Variants in KCTD16 observed in about 807,000 individuals in gnomAD.
The protein encoded by KCTD16 is potassium channel tetramerization domain containing 16.
In KCTD16, 13 loss-of-function variants were observed where a neutral mutation model predicts 33.2. The ratio of observed to expected loss-of-function variants is 0.39; its 90% CI spans 0.25 to 0.62. The LOEUF is 0.62. KCTD16 is among the 20% of genes least tolerant of loss of function. The probability of loss-of-function intolerance (pLI) is 0.50; values close to 1 mark genes in which losing one functional copy is unlikely to be tolerated. For missense variants in KCTD16, 441 were observed against 525.1 expected (o/e 0.84, Z 1.57); for synonymous variants, 197 against 195.3 (o/e 1.01, Z -0.07).
At chr5:144,351,599 A>G (rs187367) in intron 3 of KCTD16, among the ~76,000 whole-genome samples, 38,492 of 152,132 alleles carry the variant, frequency 0.25, 5,019 homozygotes, top group Non-Finnish European at 0.28. Context: ...AGATATCTGC[A>G]TTCCCATGTT....
At chr5:144,180,052 C>T (rs1752585919) in intron 2 of KCTD16, among the ~76,000 whole-genome samples, 2 of 152,200 alleles carry the variant, frequency 1.3e-5, no homozygotes, top group Admixed American at 1.3e-4. Context: ...CATTACTGTG[C>T]TTCCATACAA....
intron 1 of KCTD16, among the ~76,000 whole-genome samples, chr5:144,172,286 A>T (rs889133549): frequency 6.6e-6 from 1 of 152,186 alleles, no homozygotes; most frequent in African/African-American, 2.4e-5. Context: ...ATTTTTGTGG[A>T]TACATCATAG....
chr5:144,450,451 T>G (rs1242097970), intron 3 of KCTD16, among the ~76,000 whole-genome samples: 1 of 152,104 alleles, frequency 6.6e-6, no homozygotes, highest in African/African-American at 2.4e-5. Context: ...TCTGGGCATA[T>G]ATTCAAAATA....
intron 3 of KCTD16, among the ~76,000 whole-genome samples, chr5:144,250,272 C>T (rs1021549501): frequency 1.4e-4 from 22 of 152,136 alleles, no homozygotes; most frequent in Non-Finnish European, 2.2e-4. Flanking sequence ...TTATTTCCAG[C>T]AGAGCTGCAC....
intron 3 of KCTD16, among the ~76,000 whole-genome samples, chr5:144,384,796 A>G (rs752557201): frequency 1.2e-4 from 18 of 152,124 alleles, no homozygotes; most frequent in Non-Finnish European, 2.5e-4. Flanking sequence ...TCTGGCTTCT[A>G]GCTTTTGTTT....
chr5:144,324,544 A>G (rs1207747094), intron 3 of KCTD16, among the ~76,000 whole-genome samples: 1 of 152,178 alleles, frequency 6.6e-6, no homozygotes. Flanking sequence ...AGAACCAGAA[A>G]TACCATTTGA....
At chr5:144,236,004 A>AACT (rs1387379537) in intron 3 of KCTD16, among the ~76,000 whole-genome samples, 3 of 152,116 alleles carry the variant, frequency 2.0e-5, no homozygotes, top group African/African-American at 7.2e-5. Flanking sequence ...TGAAGTCTAG[A>AACT]ACTAGAGAAA....
chr5:144,299,214 A>G (rs1322621743), intron 3 of KCTD16, among the ~76,000 whole-genome samples: 4 of 135,524 alleles, frequency 3.0e-5, no homozygotes, highest in African/African-American at 1.1e-4. Context: ...TGTGCAATAT[A>G]CCACTAACAC....
At chr5:144,200,576 G>A (rs1233739593) in intron 2 of KCTD16, among the ~76,000 whole-genome samples, 1 of 152,224 alleles carries the variant, frequency 6.6e-6, no homozygotes, top group Non-Finnish European at 1.5e-5. Flanking sequence ...CATTGGCCAT[G>A]ATATCTCTTT....
intron 3 of KCTD16, among the ~76,000 whole-genome samples, chr5:144,242,679 G>T (rs566350432): frequency 6.6e-6 from 1 of 152,248 alleles, no homozygotes; most frequent in South Asian, 2.1e-4. Context: ...TTGGATGAGG[G>T]CTTCAGGCTG....
intron 3 of KCTD16, among the ~76,000 whole-genome samples, chr5:144,400,567 A>G (rs1752680546): frequency 6.6e-6 from 1 of 152,184 alleles, no homozygotes; most frequent in Non-Finnish European, 1.5e-5. Flanking sequence ...AGAACATTTC[A>G]TGTGGAAGGG....
chr5:144,219,709 G>A lies in KCTD16; in HGVS notation c.832+12163G>A, dbSNP rs527633248. Among the ~76,000 whole-genome samples, 4 of 151,424 alleles carry A rather than the reference G, an allele frequency of 2.6e-5. No homozygotes were observed. In the South Asian group the frequency reaches 8.4e-4, roughly 32 times the overall value. On this transcript the variant is annotated intron_variant, in intron 3 of 3. Transcript: ENST00000512467. Reference sequence around the variant, plus strand: ...CTAATTTTGTATTTTTAGTAGAGATGGGGTTTCACCATGTTGGTCAGTCTG... The same window carrying A: ...CTAATTTTGTATTTTTAGTAGAGATAGGGTTTCACCATGTTGGTCAGTCTG...
At chr5:144,428,737 A>T (rs1580957542) in intron 3 of KCTD16, among the ~76,000 whole-genome samples, 1 of 152,150 alleles carries the variant, frequency 6.6e-6, no homozygotes, top group Non-Finnish European at 1.5e-5. Flanking sequence ...CTCCAGAGGG[A>T]GGTACACTCC....
intron 3 of KCTD16, among the ~76,000 whole-genome samples, chr5:144,390,100 C>A (rs1752415631): frequency 6.6e-6 from 1 of 152,168 alleles, no homozygotes; most frequent in South Asian, 2.1e-4. Flanking sequence ...AAGTGAGTGG[C>A]TACACACATT....
intron 3 of KCTD16, among the ~76,000 whole-genome samples, chr5:144,438,422 G>A (rs1296984748): frequency 2.6e-5 from 4 of 152,210 alleles, no homozygotes; most frequent in Non-Finnish European, 5.9e-5. Flanking sequence ...ATGAGCATAC[G>A]TGTTGACTCT....
intron 3 of KCTD16, among the ~76,000 whole-genome samples, chr5:144,460,961 A>T (rs1462778158): frequency 6.6e-6 from 1 of 152,198 alleles, no homozygotes; most frequent in Admixed American, 6.5e-5. Flanking sequence ...AGCTCTTCTC[A>T]AATCTTTGTC....
chr5:144,270,778 T>C (rs149527726), intron 3 of KCTD16, among the ~76,000 whole-genome samples: 169 of 151,854 alleles, frequency 1.1e-3, no homozygotes, highest in African/African-American at 3.9e-3. Flanking sequence ...AACCTTTAGC[T>C]AAGTGTATTA....
chr5:144,347,386 G>T (rs1752830363), intron 3 of KCTD16, among the ~76,000 whole-genome samples: 1 of 152,128 alleles, frequency 6.6e-6, no homozygotes, highest in Non-Finnish European at 1.5e-5. Context: ...CCTGAGGTCA[G>T]GAGTTCGAGA....
intron 3 of KCTD16, among the ~76,000 whole-genome samples, chr5:144,258,340 GTATAA>G (rs1415902488): frequency 2.6e-5 from 4 of 151,532 alleles, no homozygotes; most frequent in African/African-American, 7.3e-5. Flanking sequence ...ATCATATATA[GTATAA>G]TATAGAGTAC....
Sources: gnomAD v4.1 joint callset for allele counts (sites outside exome capture counted in the v4.1 genomes callset) on GRCh38, gnomAD v4.1.1 for gene constraint, MANE v1.5 for transcripts, NCBI Gene and HGNC (gene_info 2026-07-23, HGNC 2026-07-21) for gene names.